MROH2A: variants seen among roughly 807,000 people sequenced by gnomAD.
MROH2A encodes maestro heat-like repeat-containing protein family member 2A.
In MROH2A, 174 loss-of-function variants were observed where a neutral mutation model predicts 200.4. That is an observed-to-expected ratio of 0.87 (90% CI 0.77 to 0.98). The LOEUF (loss-of-function observed/expected upper bound fraction) is 0.98, where lower values mean the gene tolerates loss of function less well. Among genes scored for constraint, MROH2A ranks in the 50% least tolerant of loss-of-function variants. The probability of loss-of-function intolerance (pLI) is 0.00; values close to 1 mark genes in which losing one functional copy is unlikely to be tolerated. For missense variants in MROH2A, 2,045 were observed against 2,139.6 expected (o/e 0.96, Z 0.87); for synonymous variants, 829 against 840.4 (o/e 0.99, Z 0.23).
chr2:233,809,531 T>G (rs1159043949), intron 22 of MROH2A, among the ~76,000 whole-genome samples: 1 of 152,052 alleles, frequency 6.6e-6, no homozygotes, highest in Non-Finnish European at 1.5e-5. Context: ...AGCCACAAGA[T>G]GAGCCCCACC....
chr2:233,806,381 T>C (rs542007066), intron 19 of MROH2A, among the ~76,000 whole-genome samples: 33 of 152,308 alleles, frequency 2.2e-4, no homozygotes, highest in Middle Eastern at 6.8e-3. Context: ...ATTTACCTTA[T>C]GGAGTCGTGG....
rs771061541 is a variant in MROH2A, at chr2:233,808,263, C to T, written c.2295+408C>T. On this transcript the variant is annotated intron_variant, in intron 21 of 41. Coordinates refer to ENST00000389758, the MANE Select transcript of MROH2A (RefSeq NM_001394639.1). ...TAGGAGCTCTGCCTCAGTGGATGGA[C>T]GGTGCTGGGATTGAGGGGCTCTAGC... 1.4e-4 allele frequency among the ~76,000 whole-genome samples: 22 copies of T among 152,080 alleles called. 1 individual carries two copies. Among genetic ancestry groups the T allele is most frequent in the African/African-American group, 7.2e-5 (3 of 41,418 alleles).
intron 11 of MROH2A, among the ~76,000 whole-genome samples, chr2:233,798,235 C>A (rs925195253): frequency 3.3e-5 from 5 of 152,224 alleles, no homozygotes; most frequent in African/African-American, 9.6e-5. Flanking sequence ...AACACTTGCC[C>A]AGCCCTTACG....
intron 3 of MROH2A, among the ~76,000 whole-genome samples, chr2:233,780,180 A>T (rs1282911720): frequency 6.6e-6 from 1 of 152,178 alleles, no homozygotes; most frequent in Non-Finnish European, 1.5e-5. Flanking sequence ...GCTAGTGGGG[A>T]GATGCCTAGC....
chr2:233,806,720 C>A (rs1272710207), intron 19 of MROH2A, among the ~76,000 whole-genome samples: 1 of 152,130 alleles, frequency 6.6e-6, no homozygotes, highest in Non-Finnish European at 1.5e-5. Context: ...ACCCCTCCCC[C>A]TTTAACACGT....
intron 5 of MROH2A, among the ~76,000 whole-genome samples, chr2:233,791,049 G>A (rs1701730279): frequency 6.6e-6 from 1 of 152,214 alleles, no homozygotes; most frequent in Non-Finnish European, 1.5e-5. Context: ...ACATTGCAGA[G>A]GCTCTGGGGC....
intron 8 of MROH2A, among the ~76,000 whole-genome samples, chr2:233,795,141 C>T (rs572644808): frequency 8.4e-4 from 128 of 152,254 alleles, no homozygotes; most frequent in African/African-American, 2.9e-3. Context: ...AGATTCTGGG[C>T]GAGCCTGAAT....
At chr2:233,821,885 C>T (rs568628128) in intron 31 of MROH2A, among the ~76,000 whole-genome samples, 2 of 151,968 alleles carry the variant, frequency 1.3e-5, no homozygotes, top group South Asian at 2.1e-4. Flanking sequence ...GTGGGGCTTC[C>T]GTGGGGGCCA....
chr2:233,792,526 G>A (rs897348946), intron 5 of MROH2A, among the ~76,000 whole-genome samples: 4 of 152,194 alleles, frequency 2.6e-5, no homozygotes, highest in African/African-American at 7.2e-5. Flanking sequence ...TGTTAGCCAG[G>A]ATGACCTCGA....
In MROH2A at chr2:233,795,700, C is replaced by A. The variant is rs779847448; in HGVS notation, c.1014C>A (p.Val338=). 9.2e-5 allele frequency: 142 copies of A among 1,550,982 alleles called. No homozygotes were observed. Among genetic ancestry groups the A allele is most frequent in the Non-Finnish European group, 1.1e-4 (129 of 1,147,028 alleles). ...TGTCAGTCACCACCAACACCCCTGT[C>A]CCCCAAATGCAGCTACACACCATTT... ...LELSVTTNTP[V]PQMQLHTIFT... Residue 338 remains valine, a synonymous_variant, in exon 9 of 42, where the codon GTC becomes GTA. Coordinates refer to ENST00000389758, the MANE Select transcript of MROH2A (RefSeq NM_001394639.1).
At chr2:233,822,826 C>T (rs1704036968) in intron 33 of MROH2A, 55 bp from the exon 34 acceptor site, 6 of 1,539,516 alleles carry the variant, frequency 3.9e-6, no homozygotes, top group Middle Eastern at 1.7e-4. Flanking sequence ...AGCAGCCTCC[C>T]CAGGCCATGC....
chr2:233,829,897 G>A (rs535938991), intron 38 of MROH2A, 122 bp downstream of exon 38: 943 of 924,574 alleles, frequency 1.0e-3, no homozygotes, highest in Admixed American at 2.6e-3. Context: ...GGTTTTCTCT[G>A]AGATCCCAGA....
chr2:233,803,431 G>A lies in MROH2A; in HGVS notation c.1709-17G>A. On this transcript the variant is annotated splice_polypyrimidine_tract_variant and intron_variant, in intron 15 of 41. Transcript: ENST00000389758. ...AAGCCAGGAAGGCTCAGCTGGGGTT[G>A]CATTTCCTTCAATCAGTGGACCTGC... The A allele has an allele frequency of 6.4e-7, 1 of 1,550,432 alleles. No individual in the cohort carries two copies. The highest frequency in any genetic ancestry group is 8.7e-7 in the Non-Finnish European group (1 of 1,146,924).
chr2:233,780,269 A>G (rs1700888327), intron 3 of MROH2A, among the ~76,000 whole-genome samples: 4 of 152,210 alleles, frequency 2.6e-5, no homozygotes, highest in Admixed American at 2.6e-4. Context: ...GCTTGTACAG[A>G]CAAGGTTTGC....
In MROH2A at chr2:233,829,784, C is replaced by T. The variant is rs1704592050; in HGVS notation, c.4602+9C>T. 5 of 1,323,672 alleles carry T rather than the reference C, an allele frequency of 3.8e-6. No individual in the cohort carries two copies. In the African/African-American group the frequency reaches 6.1e-5, roughly 16 times the overall value. The allele number at this position is 1,323,672 out of a possible 1,614,324, so 82.0% of individuals were successfully genotyped here. On this transcript the variant is annotated intron_variant, in intron 38 of 41. Coordinates refer to ENST00000389758, the MANE Select transcript of MROH2A (RefSeq NM_001394639.1). ...GCTCCAATGCAGCCCAAGTAAGATA[C>T]ATCCTGGGCTTTGTGTCCCAGTCTG...
In MROH2A at chr2:233,789,676, C is replaced by G. The variant is rs563790118; in HGVS notation, c.408+48C>G. ...TGCCTTCCCTCTGCCAGCCCAGGAG[C>G]TGGGCCACGGGGGGCCTGGCCCAGG... On this transcript the variant is annotated intron_variant, in intron 4 of 41. Transcript: ENST00000389758. The G allele has an allele frequency of 5.1e-4, 740 of 1,442,232 alleles. 1 individual carries two copies. The highest frequency in any genetic ancestry group is 6.5e-4 in the Non-Finnish European group (712 of 1,093,442). 89.3% of individuals were successfully genotyped at this position (1,442,232 alleles called of 1,614,324 possible).
Position 233,795,231 on chromosome 2 carries a change from C to T in MROH2A, c.967-422C>T, listed in dbSNP as rs184498764. Among the ~76,000 whole-genome samples the T allele has an allele frequency of 1.1e-3, 174 of 152,252 alleles. 1 individual carries two copies. The highest frequency in any genetic ancestry group is 4.0e-3 in the African/African-American group (167 of 41,548). The stretch of plus-strand genomic sequence containing the variant: ...GAGATGGAGCCGTTGCAGTGTTCCG[C>T]GTGGAGCTGTGGATGGGGCTGGTGC... On this transcript the variant is annotated intron_variant, in intron 8 of 41. Transcript: ENST00000389758.
intron 35 of MROH2A, among the ~76,000 whole-genome samples, chr2:233,825,209 A>G (rs995072416): frequency 1.3e-5 from 2 of 152,236 alleles, no homozygotes; most frequent in African/African-American, 2.4e-5. Context: ...TATCAGCTTA[A>G]GAAGTTTTTG....
chr2:233,832,448 C>T, intron 40 of MROH2A, 131 bp from the exon 41 acceptor site: 1 of 972,402 alleles, frequency 1.0e-6, no homozygotes. Flanking sequence ...ATTTTGGCTT[C>T]CTCCCTGCCA....
Sources: allele counts gnomAD v4.1 joint callset (sites outside exome capture counted in the v4.1 genomes callset), GRCh38; gene constraint gnomAD v4.1.1; transcripts MANE v1.5; gene names NCBI Gene and HGNC (gene_info 2026-07-23, HGNC 2026-07-21).